Variants in SNX7 observed in about 807,000 individuals in gnomAD.
The protein encoded by SNX7 is sorting nexin-7.
A neutral mutation model predicts 48.4 loss-of-function variants in SNX7; 35 were observed. The observed-to-expected ratio is 0.72, with a 90% confidence interval of 0.55 to 0.96. The LOEUF is 0.96. SNX7 is among the 40% of genes least tolerant of loss of function. The pLI, the probability that SNX7 is intolerant of heterozygous loss-of-function variation, is 0.00. For synonymous variants in SNX7, 190 were observed against 190.2 expected (o/e 1.00, Z 0.01); for missense variants, 553 against 548.9 (o/e 1.01, Z -0.07).
At chr1:98,674,544 TTTA>T (rs1361270497) in intron 1 of SNX7, among the ~76,000 whole-genome samples, 1 of 152,166 alleles carries the variant, frequency 6.6e-6, no homozygotes, top group Non-Finnish European at 1.5e-5. Context: ...TCATTTTAAC[TTTA>T]TCAGATCTGT....
chr1:98,710,687 G>T (rs970364908), intron 7 of SNX7, among the ~76,000 whole-genome samples: 1 of 152,134 alleles, frequency 6.6e-6, no homozygotes, highest in African/African-American at 2.4e-5. Flanking sequence ...TAAGAAATAT[G>T]TCCTAAGGTT....
Position 98,716,886 on chromosome 1 carries a change from C to T in SNX7, c.1125+14983C>T, listed in dbSNP as rs192812876. ...AGATTTCATAATAAATTATAAATTG[C>T]AACTTGGAAATGCTTTGAAATACAT... On this transcript the variant is annotated intron_variant, in intron 7 of 8. Transcript: ENST00000306121. Among the ~76,000 whole-genome samples the T allele has an allele frequency of 1.2e-3, 174 of 150,432 alleles. 1 individual carries two copies. The highest frequency in any genetic ancestry group is 4.1e-3 in the African/African-American group (169 of 40,884).
chr1:98,735,587 A>C (rs1653732387), intron 7 of SNX7, among the ~76,000 whole-genome samples: 1 of 152,144 alleles, frequency 6.6e-6, no homozygotes, highest in Admixed American at 6.6e-5. Context: ...AGACTAAAAT[A>C]CTGGAAGAAG....
At chr1:98,736,565 C>G (rs1478742415) in intron 7 of SNX7, among the ~76,000 whole-genome samples, 1 of 152,122 alleles carries the variant, frequency 6.6e-6, no homozygotes, top group African/African-American at 2.4e-5. Context: ...GATTCCCATA[C>G]AGTATTCTCG....
rs80041870 is a variant in SNX7, at chr1:98,693,657, A to G, written c.640-1861A>G. 6.4e-4 allele frequency among the ~76,000 whole-genome samples: 98 copies of G among 152,354 alleles called. 1 individual carries two copies. The highest frequency in any genetic ancestry group is 6.8e-3 in the Middle Eastern group (2 of 294). ...TCTTGGATGGATGTATTGCCTGGTC[A>G]AGGATGGCATCTGTTATTATTGGCA... On this transcript the variant is annotated intron_variant, in intron 4 of 8. Coordinates refer to ENST00000306121, the MANE Select transcript of SNX7 (RefSeq NM_015976.5).
At chr1:98,685,792 C>T (rs1439920193) in intron 2 of SNX7, among the ~76,000 whole-genome samples, 3 of 152,112 alleles carry the variant, frequency 2.0e-5, no homozygotes, top group Non-Finnish European at 4.4e-5. Flanking sequence ...TCTATAATCA[C>T]TTCTTCCAAT....
intron 4 of SNX7, among the ~76,000 whole-genome samples, chr1:98,694,239 G>A (rs1208922870): frequency 1.3e-5 from 2 of 151,544 alleles, no homozygotes; most frequent in Non-Finnish European, 1.5e-5. Flanking sequence ...GCGCGGTGGT[G>A]GGCACCTGTA....
rs141296244 is a variant in SNX7 at position 98,703,631 on chromosome 1, C to T, written c.1125+1728C>T. 2.1e-3 allele frequency among the ~76,000 whole-genome samples: 317 copies of T among 151,924 alleles called. 12 individuals carry two copies. The East Asian group carries it at 0.055, about 26-fold the overall frequency. ...TCTATTTGATAAGAAACAATTGACT[C>T]CTAACACTCTTTCTATATATAGTTA... On this transcript the variant is annotated intron_variant, in intron 7 of 8. Transcript: ENST00000306121.
intron 7 of SNX7, among the ~76,000 whole-genome samples, chr1:98,714,803 G>A (rs1048261441): frequency 5.9e-5 from 9 of 152,194 alleles, no homozygotes; most frequent in African/African-American, 1.4e-4. Flanking sequence ...GAAAGCGAGC[G>A]GACGAACAAT....
chr1:98,674,236 TGA>T (rs1650031782), intron 1 of SNX7, among the ~76,000 whole-genome samples: 1 of 152,212 alleles, frequency 6.6e-6, no homozygotes, highest in African/African-American at 2.4e-5. Flanking sequence ...AAATGCTGTG[TGA>T]GTTTGCCAGG....
In SNX7 at chr1:98,661,769, C is replaced by T. The variant is rs1289957072; in HGVS notation, c.38C>T (p.Ser13Leu). The change falls in exon 1 of 9, where the codon TCG (serine) becomes TTG (leucine). Residue 13 changes from serine (S) to leucine (L), a missense_variant. Ser to Leu is a moderately radical substitution (Grantham distance 145). Coordinates refer to ENST00000306121, the MANE Select transcript of SNX7 (RefSeq NM_015976.5). ...GERRASQAPS[S>L]GLPAGGANGE... ...CGCCGGGCATCGCAGGCGCCCTCCT[C>T]GGGCCTCCCGGCCGGGGGCGCCAAC... The T allele has an allele frequency of 5.6e-6, 7 of 1,240,986 alleles. No individual in the cohort carries two copies. In the East Asian group the frequency reaches 1.3e-4, roughly 22 times the overall value. 76.9% of individuals were successfully genotyped at this position (1,240,986 alleles called of 1,614,324 possible).
chr1:98,749,421 C>T (rs1483821059), intron 8 of SNX7, among the ~76,000 whole-genome samples: 1 of 152,060 alleles, frequency 6.6e-6, no homozygotes, highest in Non-Finnish European at 1.5e-5. Context: ...TACAAGTGTA[C>T]ACTTATCACT....
intron 7 of SNX7, 110 bp from the exon 8 acceptor site, chr1:98,738,127 A>C: frequency 8.7e-7 from 1 of 1,147,746 alleles, no homozygotes; most frequent in Non-Finnish European, 1.2e-6. Flanking sequence ...TAAAAACAAA[A>C]AAGAGTTATA....
rs368513185 is a variant in SNX7 at position 98,719,689 on chromosome 1, A to G, written c.1125+17786A>G. Among the ~76,000 whole-genome samples the G allele has an allele frequency of 4.6e-5, 7 of 151,654 alleles. No individual in the cohort carries two copies. In the East Asian group the frequency reaches 5.8e-4, roughly 13 times the overall value. ...AGTTTTTATGAAGTCAGGTTTATCT[A>G]TCTTTTTCTTAAAGATTTTACCTTT... On this transcript the variant is annotated intron_variant, in intron 7 of 8. Coordinates refer to ENST00000306121, the MANE Select transcript of SNX7 (RefSeq NM_015976.5).
At chr1:98,739,181 C>T (rs1193191031) in intron 8 of SNX7, among the ~76,000 whole-genome samples, 1 of 152,038 alleles carries the variant, frequency 6.6e-6, no homozygotes, top group Non-Finnish European at 1.5e-5. Context: ...GCGCAGTTCA[C>T]AATAGCGTTC....
chr1:98,716,654 G>T (rs1158627582), intron 7 of SNX7, among the ~76,000 whole-genome samples: 1 of 152,074 alleles, frequency 6.6e-6, no homozygotes, highest in Non-Finnish European at 1.5e-5. Flanking sequence ...TATACAGCTA[G>T]TTAAATAGAA....
chr1:98,718,112 A>G (rs929739014), intron 7 of SNX7, among the ~76,000 whole-genome samples: 2 of 152,140 alleles, frequency 1.3e-5, no homozygotes, highest in African/African-American at 4.8e-5. Flanking sequence ...TGCACATAGA[A>G]GTGCAAATGT....
chr1:98,726,119 A>G (rs1653151581), intron 7 of SNX7, among the ~76,000 whole-genome samples: 1 of 152,292 alleles, frequency 6.6e-6, no homozygotes, highest in South Asian at 2.1e-4. Context: ...CGCATTTTAC[A>G]GAGGGGGAAA....
chr1:98,662,725 A>T, intron 1 of SNX7: 1 of 1,289,342 alleles, frequency 7.8e-7, no homozygotes, highest in South Asian at 1.2e-5. Flanking sequence ...CAGTTTCTCA[A>T]GTTGCTGCTG....
Sources: allele counts gnomAD v4.1 joint callset (sites outside exome capture counted in the v4.1 genomes callset), GRCh38; gene constraint gnomAD v4.1.1; transcripts MANE v1.5; gene names NCBI Gene and HGNC (gene_info 2026-07-23, HGNC 2026-07-21).